The following CHSY3 variants were observed in gnomAD, a reference collection of about 807,000 sequenced individuals.
CHSY3 encodes N-acetylgalactosaminyl-proteoglycan 3-beta-glucuronosyltransferase 3.
CHSY3 carries 35 observed loss-of-function variants against 67.2 expected under a neutral mutation model. That is an observed-to-expected ratio of 0.52 (90% CI 0.40 to 0.69). CHSY3 has a LOEUF of 0.69. Among genes scored for constraint, CHSY3 ranks in the 30% least tolerant of loss-of-function variants. The pLI, the probability that CHSY3 is intolerant of heterozygous loss-of-function variation, is 0.00. For missense variants in CHSY3, 1,069 were observed against 1,138.5 expected (o/e 0.94, Z 0.88); for synonymous variants, 474 against 434.7 (o/e 1.09, Z -1.12).
chr5:130,123,800 A>G (rs1768141041), intron 2 of CHSY3, among the ~76,000 whole-genome samples: 8 of 152,014 alleles, frequency 5.3e-5, no homozygotes, highest in Admixed American at 5.2e-4. Context: ...GCTCACCCCT[A>G]TAATCCCAGC....
intron 2 of CHSY3, among the ~76,000 whole-genome samples, chr5:129,969,063 T>A (rs1428568404): frequency 2.0e-5 from 3 of 151,862 alleles, no homozygotes; most frequent in Non-Finnish European, 4.4e-5. Flanking sequence ...AAGTCAGTGT[T>A]GTTATGTACT....
chr5:130,076,132 T>G (rs1766241438), intron 2 of CHSY3, among the ~76,000 whole-genome samples: 1 of 152,122 alleles, frequency 6.6e-6, no homozygotes, highest in Non-Finnish European at 1.5e-5. Flanking sequence ...TGTACTTCTA[T>G]GCGCTTGCAT....
At chr5:129,916,720 C>T (rs944324127) in intron 2 of CHSY3, among the ~76,000 whole-genome samples, 1 of 152,162 alleles carries the variant, frequency 6.6e-6, no homozygotes, top group Non-Finnish European at 1.5e-5. Context: ...TTTATTTGCT[C>T]AAATGTATTT....
intron 2 of CHSY3, among the ~76,000 whole-genome samples, chr5:130,126,872 T>C (rs910863989): frequency 7.2e-5 from 11 of 152,194 alleles, no homozygotes; most frequent in African/African-American, 2.4e-4. Flanking sequence ...TTTCCTTTGG[T>C]TCATACCCCA....
chr5:129,951,775 T>A (rs1025648878), intron 2 of CHSY3, among the ~76,000 whole-genome samples: 1 of 152,208 alleles, frequency 6.6e-6, no homozygotes, highest in Non-Finnish European at 1.5e-5. Flanking sequence ...TAATTTACAT[T>A]TTCTTAAAAT....
rs1253468064 is a variant in CHSY3, at chr5:130,185,788, C to G, written c.2646C>G (p.Ser882=). The G allele has an allele frequency of 1.3e-5, 21 of 1,582,116 alleles. No homozygotes were observed. The highest frequency in any genetic ancestry group is 1.7e-5 in the Non-Finnish European group (20 of 1,161,802). ...HLGVRYNRTL[S] The stretch of plus-strand genomic sequence containing the variant: ...GTGTCAGGTACAATCGAACTCTCTC[C>G]TGACAGTCCAGGCAACACATTTTGC... Residue 882 remains serine (S), a synonymous_variant, in exon 3 of 3, where the codon TCC becomes TCG. Coordinates refer to ENST00000305031, the MANE Select transcript of CHSY3 (RefSeq NM_175856.5).
chr5:130,030,861 C>A (rs1764684502), intron 2 of CHSY3, among the ~76,000 whole-genome samples: 1 of 151,966 alleles, frequency 6.6e-6, no homozygotes, highest in African/African-American at 2.4e-5. Context: ...TGAGGATGGT[C>A]TAAAGAATGG....
chr5:130,110,193 C>A (rs1191961764), intron 2 of CHSY3, among the ~76,000 whole-genome samples: 1 of 151,800 alleles, frequency 6.6e-6, no homozygotes, highest in Admixed American at 6.6e-5. Flanking sequence ...CAGAAATGAG[C>A]TTGGCTTCTA....
At chr5:130,067,337 T>C (rs1765916704) in intron 2 of CHSY3, among the ~76,000 whole-genome samples, 2 of 152,158 alleles carry the variant, frequency 1.3e-5, no homozygotes, top group Non-Finnish European at 2.9e-5. Context: ...GTAACATGGT[T>C]TGAAATATTT....
intron 2 of CHSY3, chr5:130,140,194 C>A (rs533300573): frequency 7.9e-6 from 2 of 252,102 alleles, no homozygotes; most frequent in Middle Eastern, 1.3e-3. Flanking sequence ...AGTGATGCCA[C>A]AAAGAATCAA....
At chr5:129,950,126 C>T (rs1175917282) in intron 2 of CHSY3, among the ~76,000 whole-genome samples, 2 of 149,674 alleles carry the variant, frequency 1.3e-5, no homozygotes, top group African/African-American at 4.9e-5. Flanking sequence ...TGAGATTGCG[C>T]CACTGCACTC....
In CHSY3 at chr5:130,140,971, C is replaced by T. The variant is rs1047316347; in HGVS notation, c.1087-43258C>T. On this transcript the variant is annotated intron_variant, in intron 2 of 2. Transcript: ENST00000305031. ...ACCTGTTCCATGGCACTCTAGACTC[C>T]GTAGAGAAGGCCCTTGGAAATGCCA... 4.9e-5 allele frequency: 36 copies of T among 735,572 alleles called. 1 individual carries two copies. The highest frequency in any genetic ancestry group is 2.3e-4 in the African/African-American group (12 of 52,434). The allele number at this position is 735,572 out of a possible 1,614,324, so 45.6% of individuals were successfully genotyped here. A position where few individuals can be genotyped will look rare whatever the true frequency, so the allele number is the denominator to read the frequency against.
At chr5:130,068,719 C>T (rs552713457) in intron 2 of CHSY3, among the ~76,000 whole-genome samples, 1 of 152,262 alleles carries the variant, frequency 6.6e-6, no homozygotes, top group East Asian at 1.9e-4. Context: ...TTTCTAAAAG[C>T]TTTCATCAAT....
intron 2 of CHSY3, among the ~76,000 whole-genome samples, chr5:130,152,644 T>C (rs1769263233): frequency 6.6e-6 from 1 of 152,160 alleles, no homozygotes; most frequent in Non-Finnish European, 1.5e-5. Context: ...ATTAAAACTA[T>C]ACATACAGCA....
chr5:130,175,841 A>G (rs762192246), intron 2 of CHSY3, among the ~76,000 whole-genome samples: 3 of 152,216 alleles, frequency 2.0e-5, no homozygotes, highest in Non-Finnish European at 4.4e-5. Context: ...CTTACACCTT[A>G]TAAATTAACT....
chr5:129,927,750 A>G (rs899480148), intron 2 of CHSY3, among the ~76,000 whole-genome samples: 9 of 152,010 alleles, frequency 5.9e-5, no homozygotes, highest in African/African-American at 2.2e-4. Context: ...AAGAAACTGT[A>G]TTTTCATTTT....
intron 2 of CHSY3, among the ~76,000 whole-genome samples, chr5:130,085,803 T>C (rs1766597589): frequency 6.6e-6 from 1 of 152,144 alleles, no homozygotes; most frequent in African/African-American, 2.4e-5. Context: ...GATTCTAGTA[T>C]GTTGTGTCTT....
chr5:130,158,055 T>C lies in CHSY3; in HGVS notation c.1087-26174T>C, dbSNP rs2079176. On this transcript the variant is annotated intron_variant, in intron 2 of 2. Transcript: ENST00000305031. ...CAGTGGGGACGACCAGAGGTCACTC[T>C]TGTTGCCATCTTGGTTTTGATGGGT... is the stretch of plus-strand genomic sequence containing the variant. Among the ~76,000 whole-genome samples the C allele has an allele frequency of 2.1e-3, 313 of 152,362 alleles. 2 individuals carry two copies. The highest frequency in any genetic ancestry group is 7.2e-3 in the African/African-American group (299 of 41,598).
At chr5:129,970,407 T>TAGAC (rs1469764273) in intron 2 of CHSY3, among the ~76,000 whole-genome samples, 6 of 42,446 alleles carry the variant, frequency 1.4e-4, no homozygotes, top group African/African-American at 5.4e-4. Flanking sequence ...ATTAGATAGA[T>TAGAC]AGATAGATAG....
Sources: allele counts gnomAD v4.1 joint callset (sites outside exome capture counted in the v4.1 genomes callset), GRCh38; gene constraint gnomAD v4.1.1; transcripts MANE v1.5; gene names NCBI Gene and HGNC (gene_info 2026-07-23, HGNC 2026-07-21).